Variants in C3orf70 observed in about 807,000 individuals in gnomAD.
C3orf70 encodes the protein chromosome 3 open reading frame 70.
Under a neutral mutation model 20.7 loss-of-function variants are expected in C3orf70, and 15 were observed. The ratio of observed to expected loss-of-function variants is 0.72; its 90% CI spans 0.48 to 1.11. C3orf70 has a LOEUF of 1.11. Ranked by LOEUF, C3orf70 falls within the 50% of genes most tolerant of loss-of-function variation. The pLI is 0.00. For synonymous variants in C3orf70, 161 were observed against 125.7 expected, an observed-to-expected ratio of 1.28 and a Z score of -1.88; for missense variants, 332 against 317.6, an observed-to-expected ratio of 1.05 and a Z score of -0.34.
At chr3:185,096,322 A>AAAACT (rs1463921407) in intron 1 of C3orf70, among the ~76,000 whole-genome samples, 3 of 152,164 alleles carry the variant, frequency 2.0e-5, no homozygotes, top group African/African-American at 4.8e-5. Context: ...TGGGGACAAG[A>AAAACT]AAACTAAGAT....
At chr3:185,086,191 C>CT (rs113194488) in intron 1 of C3orf70, among the ~76,000 whole-genome samples, 3,734 of 151,648 alleles carry the variant, frequency 0.025, 123 homozygotes, top group African/African-American at 0.083. Flanking sequence ...CACTCCATCT[C>CT]TTTTTTTTTC....
intron 1 of C3orf70, among the ~76,000 whole-genome samples, chr3:185,145,193 G>A (rs1561369906): frequency 2.0e-5 from 3 of 152,324 alleles, no homozygotes; most frequent in East Asian, 3.9e-4. Context: ...TGTAATTAAT[G>A]AGATCTATAA....
At position 185,080,731 on chromosome 3, in the gene C3orf70, G is replaced by C. The variant is rs556855491; in HGVS notation, c.*2276C>G. The C allele has an allele frequency of 1.3e-5, 2 of 152,098 alleles. No individual in the cohort carries two copies. Among genetic ancestry groups the C allele is most frequent in the Non-Finnish European group, 2.9e-5 (2 of 68,038 alleles). The allele number at this position is 152,098 out of a possible 1,614,324, so 9.4% of individuals were successfully genotyped here. ...CGGGAGGCACCGAGAACCTCGGGCAGGGTTCATCAGATGTCCCTGTGCCAC... is the reference window on the plus strand; with the variant it reads ...CGGGAGGCACCGAGAACCTCGGGCACGGTTCATCAGATGTCCCTGTGCCAC... On this transcript the variant is annotated 3_prime_UTR_variant, in exon 2 of 2. Transcript: ENST00000335012.
intron 1 of C3orf70, among the ~76,000 whole-genome samples, chr3:185,095,888 C>T (rs1039370958): frequency 3.9e-5 from 6 of 152,038 alleles, no homozygotes; most frequent in African/African-American, 9.7e-5. Context: ...AGGTGCGTGC[C>T]ACCACTCTTG....
chr3:185,114,148 G>A (rs1452730301), intron 1 of C3orf70, among the ~76,000 whole-genome samples: 6 of 152,112 alleles, frequency 3.9e-5, no homozygotes, highest in Non-Finnish European at 7.4e-5. Flanking sequence ...GTGGTGAGCC[G>A]AGATCACGCC....
chr3:185,114,143 G>T (rs1326166058), intron 1 of C3orf70, among the ~76,000 whole-genome samples: 1 of 152,130 alleles, frequency 6.6e-6, no homozygotes, highest in Non-Finnish European at 1.5e-5. Flanking sequence ...AGGTTGTGGT[G>T]AGCCGAGATC....
chr3:185,146,276 A>ATTTTTTT (rs10576073), intron 1 of C3orf70, among the ~76,000 whole-genome samples: 1 of 67,022 alleles, frequency 1.5e-5, no homozygotes, highest in African/African-American at 5.3e-5. Context: ...TACAACTCTC[A>ATTTTTTT]TTTTTTTTTT....
intron 1 of C3orf70, among the ~76,000 whole-genome samples, chr3:185,092,316 TC>T (rs1003192527): frequency 2.4e-4 from 37 of 152,232 alleles, no homozygotes; most frequent in Non-Finnish European, 2.8e-4. Flanking sequence ...CTAGAGCTTT[TC>T]TTGGCTGCAT....
At chr3:185,143,722 G>A (rs951093446) in intron 1 of C3orf70, among the ~76,000 whole-genome samples, 5 of 152,132 alleles carry the variant, frequency 3.3e-5, no homozygotes, top group African/African-American at 4.8e-5. Context: ...CTATTAACTA[G>A]CATTCTTGCC....
intron 1 of C3orf70, among the ~76,000 whole-genome samples, chr3:185,085,958 G>T (rs985123185): frequency 6.6e-6 from 1 of 152,178 alleles, no homozygotes; most frequent in Non-Finnish European, 1.5e-5. Context: ...ACTGAGCTCA[G>T]GAGGCTGTGG....
intron 1 of C3orf70, among the ~76,000 whole-genome samples, chr3:185,146,664 T>C (rs559896889): frequency 1.3e-5 from 2 of 152,362 alleles, no homozygotes; most frequent in South Asian, 4.1e-4. Context: ...TTGTTGTTGC[T>C]AGTTTTCATT....
intron 1 of C3orf70, among the ~76,000 whole-genome samples, chr3:185,113,998 C>G (rs148399360): frequency 0.052 from 7,905 of 152,126 alleles, 668 homozygotes; most frequent in African/African-American, 0.18. Flanking sequence ...TCGGGAGTTT[C>G]AGAACAGCCT....
chr3:185,111,769 T>C (rs13317491), intron 1 of C3orf70, among the ~76,000 whole-genome samples: 7,902 of 152,146 alleles, frequency 0.052, 666 homozygotes, highest in African/African-American at 0.18. Flanking sequence ...CTATCTAATA[T>C]GTAGACATCA....
At chr3:185,136,970 AAACT>A (rs1486480624) in intron 1 of C3orf70, among the ~76,000 whole-genome samples, 3 of 152,118 alleles carry the variant, frequency 2.0e-5, no homozygotes, top group Non-Finnish European at 4.4e-5. Context: ...ATCTGTGGGT[AAACT>A]AACAGACTTG....
chr3:185,113,502 G>A (rs1028492374), intron 1 of C3orf70, among the ~76,000 whole-genome samples: 1 of 152,050 alleles, frequency 6.6e-6, no homozygotes, highest in African/African-American at 2.4e-5. Context: ...GAAAAAGTCA[G>A]GAAAACTTAT....
intron 1 of C3orf70, among the ~76,000 whole-genome samples, chr3:185,107,588 G>T (rs1204714826): frequency 1.3e-5 from 2 of 152,154 alleles, no homozygotes; most frequent in Admixed American, 6.5e-5. Flanking sequence ...AATTTGGATA[G>T]AACAATGGCC....
chr3:185,097,025 G>T (rs899799556), intron 1 of C3orf70, among the ~76,000 whole-genome samples: 1 of 152,066 alleles, frequency 6.6e-6, no homozygotes, highest in Non-Finnish European at 1.5e-5. Context: ...CTGGGGGACT[G>T]CATAGAATTT....
intron 1 of C3orf70, among the ~76,000 whole-genome samples, chr3:185,136,519 G>A (rs919182094): frequency 6.6e-6 from 1 of 151,990 alleles, no homozygotes; most frequent in African/African-American, 2.4e-5. Flanking sequence ...TCAGGAGATC[G>A]AGACCATCCT....
intron 1 of C3orf70, among the ~76,000 whole-genome samples, chr3:185,091,041 TGTTTATGCTACTAA>T (rs1224079144): frequency 6.6e-6 from 1 of 152,170 alleles, no homozygotes; most frequent in Non-Finnish European, 1.5e-5. Flanking sequence ...ATATCTACCA[TGTTTATGCTACTAA>T]GTCAGATGCT....
Sources: gnomAD v4.1 joint callset for allele counts (sites outside exome capture counted in the v4.1 genomes callset) on GRCh38, gnomAD v4.1.1 for gene constraint, MANE v1.5 for transcripts, NCBI Gene and HGNC (gene_info 2026-07-23, HGNC 2026-07-21) for gene names.